The following PSIP1 variants were observed in gnomAD, a reference collection of about 807,000 sequenced individuals.
PSIP1 encodes the protein PC4 and SRSF1 interacting protein 1.
A neutral mutation model predicts 74.7 loss-of-function variants in PSIP1; 19 were observed. The ratio of observed to expected loss-of-function variants is 0.25; its 90% confidence interval spans 0.18 to 0.37. The LOEUF is 0.37. PSIP1 is among the 10% of genes least tolerant of loss of function. The pLI, the probability that PSIP1 is intolerant of heterozygous loss-of-function variation, is 1.00. For synonymous variants in PSIP1, 222 were observed against 195.3 expected (o/e 1.14, Z -1.14); for missense variants, 601 against 614.3 (o/e 0.98, Z 0.23).
intron 2 of PSIP1, 49 bp downstream of exon 2, chr9:15,510,068 C>G (rs748536971): frequency 6.5e-7 from 1 of 1,541,050 alleles, no homozygotes; most frequent in Non-Finnish European, 8.9e-7. Flanking sequence ...CAGCAGGCCT[C>G]TGGAGAGGAG....
At chr9:15,482,474 G>A (rs2036377538) in intron 6 of PSIP1, among the ~76,000 whole-genome samples, 2 of 152,080 alleles carry the variant, frequency 1.3e-5, no homozygotes, top group Admixed American at 1.3e-4. Flanking sequence ...AAGGGAGTAA[G>A]GGCTGTAGAA....
At position 15,466,786 on chromosome 9, in the gene PSIP1, T is replaced by C; in HGVS notation, c.1494A>G (p.Glu498=). ...TGGCTTCATGGTTGTCTTTGCTGTC[T>C]TCATTGCTCTCCCCGTTATGTTGTG... The part of the protein sequence containing the change: ...NQPQHNGESN[E]DSKDNHEAST... Residue 498 remains glutamate (E), a synonymous_variant, in exon 15 of 16, where the codon GAA becomes GAG. Transcript: ENST00000380733. The C allele has an allele frequency of 3.1e-6, 5 of 1,613,670 alleles. No homozygotes were observed. In the South Asian group the frequency reaches 4.4e-5, roughly 14 times the overall value.
rs1224107286 is a variant in PSIP1, at chr9:15,470,005, TAAC to T, written c.978-15_978-13del. 6.3e-7 allele frequency: 1 copy of T among 1,595,610 alleles called. No individual in the cohort carries two copies. Among genetic ancestry groups the T allele is most frequent in the South Asian group, 1.1e-5 (1 of 90,562 alleles). Reference sequence around the variant, plus strand: ...CATCTTTATTCTGCCTATCAAATGTTAACAAAAATATTTCAACACATTGGAATT... The same window carrying T: ...CATCTTTATTCTGCCTATCAAATGTTAAAAATATTTCAACACATTGGAATT... On this transcript the variant is annotated splice_polypyrimidine_tract_variant and intron_variant, in intron 10 of 15. Transcript: ENST00000380733.
In PSIP1 at chr9:15,465,557, G is replaced by A. The variant is rs754038238; in HGVS notation, c.1556C>T (p.Thr519Ile). The A allele has an allele frequency of 1.0e-5, 16 of 1,585,786 alleles. No individual in the cohort carries two copies. Among genetic ancestry groups the A allele is most frequent in the Non-Finnish European group, 8.6e-7 (1 of 1,157,240 alleles). ...KKKPSSEERETEISLKDSTLD... is the reference protein window; with the variant it reads ...KKKPSSEEREIEISLKDSTLD... ...TGTAGAATCCTTCAGAGATATTTCA[G>A]TCTCTCTCTCTTCACTGGATGGCCT... is the stretch of plus-strand genomic sequence containing the variant. Residue 519 changes from threonine to isoleucine, a missense_variant, in exon 16 of 16, where the codon ACT becomes ATT. This residue lies in a region of PSIP1 where 538 missense variants were observed against 507.6 expected (regional missense o/e 1.06). Transcript: ENST00000380733.
At chr9:15,472,065 C>T (rs1330886080) in intron 10 of PSIP1, 1 of 978,182 alleles carries the variant, frequency 1.0e-6, no homozygotes, top group Non-Finnish European at 1.2e-6. Flanking sequence ...AAAGAAATTC[C>T]CCATGGCAAG....
chr9:15,465,383 C>CAAAGAT lies in PSIP1; in HGVS notation c.*136_*137insATCTTT, dbSNP rs148418830. On this transcript the variant is annotated 3_prime_UTR_variant, in exon 16 of 16. Transcript: ENST00000380733. Reference sequence around the variant, plus strand: ...CGATAATGTTTACTTTACTTTAAAACAAAGGGATTTTCTCCCTCAAAACAA... The same window carrying CAAAGAT: ...CGATAATGTTTACTTTACTTTAAAACAAAGATAAAGGGATTTTCTCCCTCAAAACAA... 8,388 of 716,276 alleles carry CAAAGAT rather than the reference C, an allele frequency of 0.012. 529 individuals are homozygous for CAAAGAT. In the African/African-American group the frequency reaches 0.14, roughly 12 times the overall value. The allele number at this position is 716,276 out of a possible 1,614,324, so 44.4% of individuals were successfully genotyped here.
intron 8 of PSIP1, among the ~76,000 whole-genome samples, chr9:15,477,173 TATAATAGTTAAAG>T (rs1269670781): frequency 6.6e-6 from 1 of 152,214 alleles, no homozygotes; most frequent in Admixed American, 6.5e-5. Flanking sequence ...TTAATTTCAC[TATAATAGTTAAAG>T]TATGTTGTAT....
At chr9:15,498,543 G>C (rs893911764) in intron 3 of PSIP1, among the ~76,000 whole-genome samples, 1 of 152,102 alleles carries the variant, frequency 6.6e-6, no homozygotes, top group Non-Finnish European at 1.5e-5. Flanking sequence ...AGTCCGACAG[G>C]TTTGGTGAAC....
At chr9:15,487,691 C>T (rs530262375) in intron 4 of PSIP1, among the ~76,000 whole-genome samples, 5 of 152,318 alleles carry the variant, frequency 3.3e-5, no homozygotes, top group Non-Finnish European at 7.3e-5. Flanking sequence ...CTTCCCATCA[C>T]ACAGTCAAGG....
intron 3 of PSIP1, among the ~76,000 whole-genome samples, chr9:15,494,954 A>T (rs971024368): frequency 6.6e-6 from 1 of 152,226 alleles, no homozygotes; most frequent in South Asian, 2.1e-4. Flanking sequence ...ATTTCTGGTC[A>T]GAACAAACCC....
At chr9:15,498,187 G>A (rs1156860489) in intron 3 of PSIP1, among the ~76,000 whole-genome samples, 17 of 152,140 alleles carry the variant, frequency 1.1e-4, no homozygotes, top group East Asian at 1.9e-4. Flanking sequence ...AGGCCAAGGC[G>A]GGCGTGTCAC....
intron 2 of PSIP1, among the ~76,000 whole-genome samples, chr9:15,507,912 G>A (rs1316863044): frequency 1.3e-5 from 2 of 152,148 alleles, no homozygotes; most frequent in Non-Finnish European, 2.9e-5. Flanking sequence ...CCACTTATAT[G>A]ATGAAGATCA....
chr9:15,502,432 C>T (rs1311041420), intron 3 of PSIP1, among the ~76,000 whole-genome samples: 2 of 152,014 alleles, frequency 1.3e-5, no homozygotes, highest in Admixed American at 6.5e-5. Context: ...ATAGAGTAAG[C>T]GCACTATTTT....
At chr9:15,467,972 T>A (rs142945683) in intron 14 of PSIP1, among the ~76,000 whole-genome samples, 23 of 152,070 alleles carry the variant, frequency 1.5e-4, no homozygotes, top group African/African-American at 5.1e-4. Flanking sequence ...AATACAAAAT[T>A]AGCTAGGTGT....
At chr9:15,469,870 A>C in intron 11 of PSIP1, 68 bp downstream of exon 11, 1 of 1,347,372 alleles carries the variant, frequency 7.4e-7, no homozygotes, top group Non-Finnish European at 1.0e-6. Context: ...CAATACATGA[A>C]AAGTTATGTC....
In PSIP1 at chr9:15,484,911, CAAAAAAAA is replaced by C. The variant is rs59867087; in HGVS notation, c.456+1087_456+1094del. Among the ~76,000 whole-genome samples the C allele has an allele frequency of 6.9e-3, 561 of 81,888 alleles. 3 individuals are homozygous for C. Among genetic ancestry groups the C allele is most frequent in the African/African-American group, 0.024 (533 of 22,316 alleles). The allele number at this position is 81,888 out of a possible 152,430, so 53.7% of individuals were successfully genotyped here. On this transcript the variant is annotated intron_variant, in intron 6 of 15. Coordinates refer to ENST00000380733, the MANE Select transcript of PSIP1 (RefSeq NM_033222.5). ...CTGGATGACAGAGCGAGATCCGTCT[CAAAAAAAA>C]AAAAAAAAAAAAAAATTAGCCGGGT...
intron 3 of PSIP1, among the ~76,000 whole-genome samples, chr9:15,500,157 G>A (rs951270960): frequency 6.6e-6 from 1 of 152,092 alleles, no homozygotes; most frequent in Non-Finnish European, 1.5e-5. Flanking sequence ...TATTTCTCAT[G>A]AACCTGCTGG....
At chr9:15,503,015 A>T (rs546349749) in intron 3 of PSIP1, among the ~76,000 whole-genome samples, 1 of 152,332 alleles carries the variant, frequency 6.6e-6, no homozygotes, top group African/African-American at 2.4e-5. Context: ...CAATTTCCAA[A>T]TATACCTTTC....
At chr9:15,474,587 T>TA (rs1318000925) in intron 8 of PSIP1, among the ~76,000 whole-genome samples, 2 of 152,134 alleles carry the variant, frequency 1.3e-5, no homozygotes, top group Admixed American at 6.5e-5. Context: ...GGTCCCAACT[T>TA]AAGCATATGA....
Sources: gnomAD v4.1 joint callset for allele counts (sites outside exome capture counted in the v4.1 genomes callset) on GRCh38, gnomAD v4.1.1 for gene constraint, gnomAD v4.1.1 regional missense constraint, MANE v1.5 for transcripts, NCBI Gene and HGNC (gene_info 2026-07-23, HGNC 2026-07-21) for gene names.